CHST9: variants seen among roughly 807,000 people sequenced by gnomAD.
CHST9 encodes GalNAc-4-sulfotransferase 2.
CHST9 carries 41 observed loss-of-function variants against 44.4 expected under a neutral mutation model. That is an observed-to-expected ratio of 0.92 (90% CI 0.72 to 1.20). The LOEUF is 1.20. Ranked by LOEUF, CHST9 falls within the 50% of genes most tolerant of loss-of-function variation. The probability of loss-of-function intolerance (pLI) is 0.00; values close to 1 mark genes in which losing one functional copy is unlikely to be tolerated. For missense variants in CHST9, 504 were observed against 516.5 expected (o/e 0.98, Z 0.23); for synonymous variants, 171 against 178.4 (o/e 0.96, Z 0.33).
intron 5 of CHST9, among the ~76,000 whole-genome samples, chr18:26,934,050 A>G (rs1192732339): frequency 6.6e-6 from 1 of 152,098 alleles, no homozygotes. Flanking sequence ...AGGTGGAAGG[A>G]CAGAGGGCAA....
intron 2 of CHST9, among the ~76,000 whole-genome samples, chr18:27,109,207 T>C (rs1341639777): frequency 6.6e-6 from 1 of 152,010 alleles, no homozygotes; most frequent in Admixed American, 6.5e-5. Flanking sequence ...CAAGAATTCA[T>C]GCCCACACCT....
chr18:27,100,669 AC>A (rs907852836), intron 2 of CHST9, among the ~76,000 whole-genome samples: 2 of 152,214 alleles, frequency 1.3e-5, no homozygotes, highest in African/African-American at 4.8e-5. Context: ...AAGTTAATGT[AC>A]AAAAATGTAA....
chr18:27,167,106 C>G (rs1463635704), intron 1 of CHST9, among the ~76,000 whole-genome samples: 1 of 152,212 alleles, frequency 6.6e-6, no homozygotes, highest in East Asian at 1.9e-4. Context: ...GGGAGGACAT[C>G]TTTCTCTTAG....
intron 1 of CHST9, among the ~76,000 whole-genome samples, chr18:27,177,738 G>A (rs2058880017): frequency 6.6e-6 from 1 of 151,974 alleles, no homozygotes. Context: ...TCTGAACAAT[G>A]GGAGTGGAAT....
At chr18:27,058,495 C>A (rs1405163348) in intron 2 of CHST9, among the ~76,000 whole-genome samples, 2 of 152,164 alleles carry the variant, frequency 1.3e-5, no homozygotes, top group African/African-American at 4.8e-5. Context: ...TTTTCCAATC[C>A]CTAAGCTTAG....
chr18:26,952,280 G>C (rs1386849275), intron 4 of CHST9: 2 of 523,608 alleles, frequency 3.8e-6, no homozygotes, highest in African/African-American at 3.9e-5. Flanking sequence ...TTTTCAGGGT[G>C]TTGGAAACCT....
intron 2 of CHST9, among the ~76,000 whole-genome samples, chr18:27,081,507 T>G (rs2057960653): frequency 6.6e-6 from 1 of 152,212 alleles, no homozygotes; most frequent in Admixed American, 6.5e-5. Flanking sequence ...CCTTACATTA[T>G]TGTTCTTTGA....
At chr18:27,144,664 A>C (rs1234739263) in intron 1 of CHST9, among the ~76,000 whole-genome samples, 1 of 152,130 alleles carries the variant, frequency 6.6e-6, no homozygotes, top group East Asian at 1.9e-4. Context: ...GCTTCAGCCT[A>C]GGCAACAGAG....
chr18:26,955,282 A>G (rs908678736), intron 4 of CHST9, among the ~76,000 whole-genome samples: 16 of 150,232 alleles, frequency 1.1e-4, no homozygotes, highest in Admixed American at 7.3e-4. Context: ...TATTAGGAAT[A>G]CAGTGTGCTC....
At chr18:26,933,136 T>G (rs2055911836) in intron 5 of CHST9, 1 of 153,786 alleles carries the variant, frequency 6.5e-6, no homozygotes, top group Non-Finnish European at 1.5e-5. Context: ...GGTTGTGAGA[T>G]GCATATCCCA....
chr18:27,103,947 T>A (rs2058197347), intron 2 of CHST9, among the ~76,000 whole-genome samples: 1 of 152,226 alleles, frequency 6.6e-6, no homozygotes, highest in Admixed American at 6.5e-5. Flanking sequence ...AATTTACTAA[T>A]CAATACTACC....
chr18:27,101,325 C>G (rs1016446984), intron 2 of CHST9, among the ~76,000 whole-genome samples: 2 of 152,140 alleles, frequency 1.3e-5, no homozygotes, highest in African/African-American at 4.8e-5. Context: ...GGCTCGGTGA[C>G]TCACGCCTGT....
At chr18:26,953,350 T>C (rs1038710349) in intron 4 of CHST9, among the ~76,000 whole-genome samples, 4 of 152,138 alleles carry the variant, frequency 2.6e-5, no homozygotes, top group African/African-American at 9.7e-5. Flanking sequence ...AGAAACAGCA[T>C]TGCCCAGGCA....
intron 2 of CHST9, among the ~76,000 whole-genome samples, chr18:27,069,555 C>T (rs922671774): frequency 6.6e-6 from 1 of 152,162 alleles, no homozygotes; most frequent in Non-Finnish European, 1.5e-5. Context: ...TCTTCACAAG[C>T]ATAAAGTCTT....
intron 2 of CHST9, among the ~76,000 whole-genome samples, chr18:27,062,819 C>A (rs542674789): frequency 6.6e-6 from 1 of 152,186 alleles, no homozygotes; most frequent in Admixed American, 6.5e-5. Flanking sequence ...CTCTCCAACA[C>A]CTGTTGTTTC....
intron 5 of CHST9, among the ~76,000 whole-genome samples, chr18:26,943,706 T>C (rs2056118368): frequency 6.6e-6 from 1 of 152,174 alleles, no homozygotes; most frequent in African/African-American, 2.4e-5. Flanking sequence ...GGGGAAGGCC[T>C]CTCTTTGTTT....
In CHST9 at chr18:27,160,023, G is replaced by C. The variant is rs534376770; in HGVS notation, c.-96-17118C>G. Among the ~76,000 whole-genome samples the C allele has an allele frequency of 1.7e-4, 26 of 152,296 alleles. No individual in the cohort carries two copies. In the South Asian group the frequency reaches 5.4e-3, roughly 32 times the overall value. On this transcript the variant is annotated intron_variant, in intron 1 of 5. Transcript: ENST00000618847. ...GGAGATTTTGGGCTGAGACAATGGG[G>C]TTTTCTAGGTATACAATCATGTCTT...
At chr18:27,000,996 A>G (rs1313431870) in intron 4 of CHST9, among the ~76,000 whole-genome samples, 1 of 152,216 alleles carries the variant, frequency 6.6e-6, no homozygotes, top group African/African-American at 2.4e-5. Flanking sequence ...ACCCCTTGGG[A>G]TATGAGCAAC....
intron 2 of CHST9, among the ~76,000 whole-genome samples, chr18:27,112,072 AT>A (rs1263743022): frequency 1.3e-5 from 2 of 149,108 alleles, no homozygotes; most frequent in Non-Finnish European, 3.0e-5. Context: ...ATAGATATAT[AT>A]TTTTATATAT....
Sources: allele counts gnomAD v4.1 joint callset (sites outside exome capture counted in the v4.1 genomes callset), GRCh38; gene constraint gnomAD v4.1.1; transcripts MANE v1.5; gene names NCBI Gene and HGNC (gene_info 2026-07-23, HGNC 2026-07-21).